Variants in ZFR observed in about 807,000 individuals in gnomAD.
ZFR encodes the protein zinc finger RNA-binding protein.
ZFR carries 19 observed loss-of-function variants against 130.7 expected under a neutral mutation model. That is an observed-to-expected ratio of 0.15 (90% CI 0.10 to 0.21). The LOEUF is 0.21. Among genes scored for constraint, ZFR ranks in the 10% least tolerant of loss-of-function variants. ZFR has a pLI of 1.00. For missense variants in ZFR, 872 were observed against 1,321.5 expected, an observed-to-expected ratio of 0.66 and a Z score of 5.27; for synonymous variants, 466 against 456.9, an observed-to-expected ratio of 1.02 and a Z score of -0.25.
Position 32,402,973 on chromosome 5 carries a change from T to C in ZFR, c.1516+133A>G, listed in dbSNP as rs1205292231. 3.8e-6 allele frequency: 3 copies of C among 799,944 alleles called. No homozygotes were observed. In the East Asian group the frequency reaches 7.8e-5, roughly 21 times the overall value. The allele number at this position is 799,944 out of a possible 1,614,324, so 49.6% of individuals were successfully genotyped here. A position where few individuals can be genotyped will look rare whatever the true frequency, so the allele number is the denominator to read the frequency against. ...TAAAAATACACACACACTAGGCAGA[T>C]ATGTGAAGAAACAAGGTCCCAGAGA... On this transcript the variant is annotated intron_variant, in intron 8 of 19. Transcript: ENST00000265069.
At chr5:32,387,423 A>G in intron 14 of ZFR, 126 bp downstream of exon 14, 1 of 1,046,866 alleles carries the variant, frequency 9.6e-7, no homozygotes, top group South Asian at 1.6e-5. Flanking sequence ...AAACAAAAAA[A>G]CTCAATACAG....
At chr5:32,426,403 A>T (rs1036769211) in intron 2 of ZFR, among the ~76,000 whole-genome samples, 1 of 152,138 alleles carries the variant, frequency 6.6e-6, no homozygotes, top group Non-Finnish European at 1.5e-5. Context: ...AAGAAAAAAA[A>T]AAACCTCAAC....
intron 4 of ZFR, 64 bp from the exon 5 acceptor site, chr5:32,415,251 T>G: frequency 2.3e-6 from 3 of 1,313,912 alleles, no homozygotes; most frequent in Non-Finnish European, 3.0e-6. Flanking sequence ...TGTACCAGTA[T>G]CCTTAAAAAG....
Position 32,388,643 on chromosome 5 carries a change from C to G in ZFR, c.2174G>C (p.Arg725Pro). The G allele has an allele frequency of 6.2e-7, 1 of 1,613,868 alleles. No homozygotes were observed. Among genetic ancestry groups the G allele is most frequent in the Non-Finnish European group, 8.5e-7 (1 of 1,179,856 alleles). ...PLRRPDSSDD[R>P]YVMTKHATIY... ...GGTGGCATGTTTTGTCATTACATAACGGTCATCAGATGAGTCAGGACGACG... is the reference window on the plus strand; with the variant it reads ...GGTGGCATGTTTTGTCATTACATAAGGGTCATCAGATGAGTCAGGACGACG... Residue 725 changes from arginine to proline, a missense_variant, in exon 13 of 20, where the codon CGT becomes CCT. By Grantham distance (103) the Arg-to-Pro change is moderately radical. Coordinates refer to ENST00000265069, the MANE Select transcript of ZFR (RefSeq NM_016107.5).
At chr5:32,378,089 T>C (rs1752864258) in intron 17 of ZFR, among the ~76,000 whole-genome samples, 1 of 152,212 alleles carries the variant, frequency 6.6e-6, no homozygotes, top group Non-Finnish European at 1.5e-5. Context: ...TAATAGTTTT[T>C]TTGAAATTTT....
chr5:32,426,899 T>C (rs1469706997), intron 2 of ZFR, among the ~76,000 whole-genome samples: 1 of 72,708 alleles, frequency 1.4e-5, no homozygotes, highest in African/African-American at 6.5e-5. Flanking sequence ...AGAAACACTC[T>C]TTCTGAAAAA....
intron 15 of ZFR, among the ~76,000 whole-genome samples, chr5:32,382,255 G>C (rs1752949799): frequency 6.6e-6 from 1 of 152,158 alleles, no homozygotes; most frequent in South Asian, 2.1e-4. Context: ...AGGTTGCAGT[G>C]AGCCGAGATT....
rs1754424872 is a variant in ZFR, at chr5:32,439,982, G to C, written c.137+4247C>G. 2.0e-5 allele frequency among the ~76,000 whole-genome samples: 3 copies of C among 152,070 alleles called. 1 individual carries two copies. In the South Asian group the frequency reaches 6.2e-4, roughly 32 times the overall value. On this transcript the variant is annotated intron_variant, in intron 2 of 19. Transcript: ENST00000265069. ...GAACTTCTCTATCTTTGACAATGAA[G>C]AAGTTAAAAAAAATGATTTTTGATC...
intron 17 of ZFR, among the ~76,000 whole-genome samples, chr5:32,369,703 G>A (rs916279576): frequency 4.6e-5 from 7 of 152,030 alleles, no homozygotes; most frequent in East Asian, 1.9e-4. Context: ...TCCTATGTAC[G>A]TGGGAGGCTG....
intron 17 of ZFR, among the ~76,000 whole-genome samples, chr5:32,374,967 T>C (rs910194538): frequency 2.0e-5 from 3 of 152,222 alleles, no homozygotes; most frequent in African/African-American, 7.2e-5. Flanking sequence ...AGCTTCCAAA[T>C]TATTTTTACA....
intron 7 of ZFR, 43 bp from the exon 8 acceptor site, chr5:32,403,440 G>A (rs2111776019): frequency 6.3e-7 from 1 of 1,579,558 alleles, no homozygotes; most frequent in Non-Finnish European, 8.6e-7. Context: ...AACTCAAATA[G>A]ATTTTGAAAA....
chr5:32,394,115 G>C (rs927225953), intron 11 of ZFR, among the ~76,000 whole-genome samples: 6 of 152,168 alleles, frequency 3.9e-5, no homozygotes, highest in Non-Finnish European at 5.9e-5. Flanking sequence ...TACGTGTATG[G>C]TATGTTTCTG....
At chr5:32,408,935 G>C (rs1334546227) in intron 5 of ZFR, among the ~76,000 whole-genome samples, 1 of 152,128 alleles carries the variant, frequency 6.6e-6, no homozygotes, top group Non-Finnish European at 1.5e-5. Flanking sequence ...TTTTCTCCTG[G>C]ATATGTCTGG....
intron 1 of ZFR, 139 bp from the exon 2 acceptor site, chr5:32,444,467 C>T: frequency 7.8e-7 from 1 of 1,278,762 alleles, no homozygotes; most frequent in Admixed American, 3.6e-5. Context: ...GGCCGCGCCG[C>T]CTCCCCCTCC....
intron 2 of ZFR, among the ~76,000 whole-genome samples, chr5:32,423,731 G>GA (rs1472816873): frequency 3.3e-5 from 5 of 151,914 alleles, no homozygotes; most frequent in East Asian, 1.9e-4. Context: ...AAAACAGAGT[G>GA]AAAAAAACAA....
chr5:32,387,933 A>G (rs1301835833), intron 13 of ZFR, among the ~76,000 whole-genome samples: 1 of 152,234 alleles, frequency 6.6e-6, no homozygotes, highest in African/African-American at 2.4e-5. Flanking sequence ...AGCAATGGAC[A>G]TTAACACTTC....
intron 5 of ZFR, among the ~76,000 whole-genome samples, chr5:32,407,464 G>A (rs968355548): frequency 5.3e-5 from 8 of 151,032 alleles, no homozygotes; most frequent in Non-Finnish European, 1.0e-4. Flanking sequence ...TGACATGCTT[G>A]GTAGCTAAGA....
intron 17 of ZFR, among the ~76,000 whole-genome samples, chr5:32,376,517 A>C (rs376876783): frequency 2.0e-5 from 3 of 151,796 alleles, no homozygotes; most frequent in South Asian, 4.2e-4. Context: ...GTGGTGGCGC[A>C]TGCCTGTAGT....
At chr5:32,370,879 G>A (rs765881461) in intron 17 of ZFR, among the ~76,000 whole-genome samples, 2 of 152,202 alleles carry the variant, frequency 1.3e-5, no homozygotes, top group Non-Finnish European at 2.9e-5. Flanking sequence ...CCTCATTGCA[G>A]TGGCAAAGGA....
Sources: gnomAD v4.1 joint callset for allele counts (sites outside exome capture counted in the v4.1 genomes callset) on GRCh38, gnomAD v4.1.1 for gene constraint, MANE v1.5 for transcripts, NCBI Gene and HGNC (gene_info 2026-07-23, HGNC 2026-07-21) for gene names.